The following CEBPD variants were observed in gnomAD, a reference collection of about 807,000 sequenced individuals.
CEBPD encodes CCAAT enhancer binding protein delta.
For missense variants in CEBPD, 410 were observed against 409.4 expected, an observed-to-expected ratio of 1.00 and a Z score of -0.01; for synonymous variants, 227 against 194.8, an observed-to-expected ratio of 1.17 and a Z score of -1.38.
chr8:47,737,529 G>A lies in CEBPD; in HGVS notation c.592C>T (p.Arg198Cys). ...CGCACGGCGATGTTGTTGCGCTCGC[G>A]CCGCTGCCGGTACTCGGGGCTGCCG... ...DRGSPEYRQR[R>C]ERNNIAVRKS... Residue 198 changes from arginine (R) to cysteine (C), a missense_variant, in exon 1 of 1, where the codon CGC becomes TGC. By Grantham distance (180) the Arg-to-Cys change is radical. Transcript: ENST00000408965. 1.2e-6 allele frequency: 2 copies of A among 1,602,478 alleles called. No homozygotes were observed. Among genetic ancestry groups the A allele is most frequent in the Non-Finnish European group, 8.5e-7 (1 of 1,177,018 alleles).
chr8:47,737,999 GC>G lies in CEBPD; in HGVS notation c.121del (p.Ala41ProfsTer2). On this transcript the variant is annotated frameshift_variant, in exon 1 of 1. Transcript: ENST00000408965. LOFTEE classifies it low-confidence loss of function (END_TRUNC). The part of the protein sequence containing the change: ...GKPGRGAEPG[A>X]LGEPGAAAPA... ...GGCGGCGGCGCCTGGCTCGCCTAGG[GC>G]CCCTGGCTCGGCCCCGCGGCCCGGC... 1.4e-6 allele frequency: 2 copies of G among 1,410,460 alleles called. No homozygotes were observed. Among genetic ancestry groups the G allele is most frequent in the South Asian group, 1.6e-5 (1 of 64,420 alleles). The allele number at this position is 1,410,460 out of a possible 1,614,324, so 87.4% of individuals were successfully genotyped here. A position where few individuals can be genotyped will look rare whatever the true frequency, so the allele number is the denominator to read the frequency against.
In CEBPD at chr8:47,737,827, C is replaced by T; in HGVS notation, c.294G>A (p.Leu98=). The T allele has an allele frequency of 1.4e-6, 2 of 1,435,028 alleles. No individual in the cohort carries two copies. Among genetic ancestry groups the T allele is most frequent in the Non-Finnish European group, 1.8e-6 (2 of 1,092,872 alleles). 88.9% of individuals were successfully genotyped at this position (1,435,028 alleles called of 1,614,324 possible). A position where few individuals can be genotyped will look rare whatever the true frequency, so the allele number is the denominator to read the frequency against. The change falls in exon 1 of 1, where the codon CTG becomes CTA. Residue 98 remains leucine, a synonymous_variant. Coordinates refer to ENST00000408965, the MANE Select transcript of CEBPD (RefSeq NM_005195.4). ...GCGCGGGGCCGCCGGGAAGAAGCTCCAGGGGCCCCGCGCCGCCCGCCTTGT... is the reference window on the plus strand; with the variant it reads ...GCGCGGGGCCGCCGGGAAGAAGCTCTAGGGGCCCCGCGCCGCCCGCCTTGT... The part of the protein sequence containing the change: ...SNHKAGGAGP[L]ELLPGGPARP...
In CEBPD at chr8:47,737,837, G is replaced by T; in HGVS notation, c.284C>A (p.Ala95Glu). 6.9e-7 allele frequency: 1 copy of T among 1,449,774 alleles called. No individual in the cohort carries two copies. 89.8% of individuals were successfully genotyped at this position (1,449,774 alleles called of 1,614,324 possible). A position where few individuals can be genotyped will look rare whatever the true frequency, so the allele number is the denominator to read the frequency against. The change falls in exon 1 of 1, where the codon GCG (alanine) becomes GAG (glutamate). Residue 95 changes from alanine to glutamate, a missense_variant. Physicochemically the swap from Ala to Glu is moderately radical, Grantham distance 107 (BLOSUM62 -1). Coordinates refer to ENST00000408965, the MANE Select transcript of CEBPD (RefSeq NM_005195.4). ...GCCGGGAAGAAGCTCCAGGGGCCCC[G>T]CGCCGCCCGCCTTGTGATTGCTGTT... ...LFNSNHKAGG[A>E]GPLELLPGGP...
rs756747948 is a variant in CEBPD at position 47,737,949 on chromosome 8, C to A, written c.172G>T (p.Ala58Ser). 1 of 1,497,518 alleles carries A rather than the reference C, an allele frequency of 6.7e-7. No homozygotes were observed. Among genetic ancestry groups the A allele is most frequent in the Non-Finnish European group, 8.9e-7 (1 of 1,117,800 alleles). The allele number at this position is 1,497,518 out of a possible 1,614,324, so 92.8% of individuals were successfully genotyped here. ...AAPAMYDDES[A>S]IDFSAYIDSM... ...TCGATGTAGGCGCTGAAGTCGATGG[C>A]GCTCTCGTCGTCGTACATGGCGGGG... Residue 58 changes from alanine (A) to serine (S), a missense_variant, in exon 1 of 1, where the codon GCC becomes TCC. By Grantham distance (99) the Ala-to-Ser change is moderately conservative (BLOSUM62 1). Coordinates refer to ENST00000408965, the MANE Select transcript of CEBPD (RefSeq NM_005195.4).
Position 47,737,908 on chromosome 8 carries a change from C to T in CEBPD, c.213G>A (p.Val71=). 2 of 1,508,976 alleles carry T rather than the reference C, an allele frequency of 1.3e-6. No individual in the cohort carries two copies. Among genetic ancestry groups the T allele is most frequent in the East Asian group, 2.7e-5 (1 of 36,438 alleles). 93.5% of individuals were successfully genotyped at this position (1,508,976 alleles called of 1,614,324 possible). The change falls in exon 1 of 1, where the codon GTG becomes GTA. Residue 71 remains valine, a synonymous_variant. Transcript: ENST00000408965. ...CGTCGTGGCACAGCTCCAGGGTGGG[C>T]ACGGCGGCCATGGAGTCGATGTAGG... ...FSAYIDSMAA[V]PTLELCHDEL... is the part of the protein sequence containing the mutation.
Position 47,736,991 on chromosome 8 carries a change from C to G in CEBPD, c.*320G>C, listed in dbSNP as rs969567932. 23 of 320,070 alleles carry G rather than the reference C, an allele frequency of 7.2e-5. No individual in the cohort carries two copies. Among genetic ancestry groups the G allele is most frequent in the Non-Finnish European group, 1.1e-4 (20 of 177,552 alleles). The allele number at this position is 320,070 out of a possible 1,614,324, so 19.8% of individuals were successfully genotyped here. A position where few individuals can be genotyped will look rare whatever the true frequency, so the allele number is the denominator to read the frequency against. On this transcript the variant is annotated 3_prime_UTR_variant, in exon 1 of 1. Coordinates refer to ENST00000408965, the MANE Select transcript of CEBPD (RefSeq NM_005195.4). The stretch of plus-strand genomic sequence containing the variant: ...AAGTGAGCATGCTCAGTCTTTTCCT[C>G]TTATCTACAATACAAAGGGTTTGTC...
chr8:47,737,643 A>C lies in CEBPD; in HGVS notation c.478T>G (p.Ser160Ala). Residue 160 changes from serine to alanine, a missense_variant, in exon 1 of 1, where the codon TCG (serine) becomes GCG (alanine). Physicochemically the swap from Ser to Ala is moderately conservative, Grantham distance 99. Coordinates refer to ENST00000408965, the MANE Select transcript of CEBPD (RefSeq NM_005195.4). Reference sequence around the variant, plus strand: ...GGGCTGCTGCGCGGCGGCTCCGGCGACGTGGGCGGGGTGGGCTGCCCTGCG... The same window carrying C: ...GGGCTGCTGCGCGGCGGCTCCGGCGCCGTGGGCGGGGTGGGCTGCCCTGCG... ...AAAGQPTPPT[S>A]PEPPRSSPRQ... The C allele has an allele frequency of 7.8e-7, 1 of 1,276,348 alleles. No individual in the cohort carries two copies. The highest frequency in any genetic ancestry group is 2.9e-5 in the South Asian group (1 of 34,552). 79.1% of individuals were successfully genotyped at this position (1,276,348 alleles called of 1,614,324 possible). A position where few individuals can be genotyped will look rare whatever the true frequency, so the allele number is the denominator to read the frequency against.
At position 47,737,498 on chromosome 8, in the gene CEBPD, C is replaced by T. The variant is rs747489027; in HGVS notation, c.623G>A (p.Ser208Asn). The T allele has an allele frequency of 1.9e-6, 3 of 1,608,224 alleles. No homozygotes were observed. Among genetic ancestry groups the T allele is most frequent in the South Asian group, 1.1e-5 (1 of 90,558 alleles). Residue 208 changes from serine (S) to asparagine (N), a missense_variant, in exon 1 of 1, where the codon AGC (serine) becomes AAC (asparagine). Transcript: ENST00000408965. ...GTTGCGCCGCTTGGCCTTGTCGCGG[C>T]TCTTGCGCACGGCGATGTTGTTGCG... is the stretch of plus-strand genomic sequence containing the variant. The part of the protein sequence containing the change: ...RERNNIAVRK[S>N]RDKAKRRNQE...
In CEBPD at chr8:47,737,295, C is replaced by T; in HGVS notation, c.*16G>A. 1 of 1,579,060 alleles carries T rather than the reference C, an allele frequency of 6.3e-7. No individual in the cohort carries two copies. The highest frequency in any genetic ancestry group is 8.6e-7 in the Non-Finnish European group (1 of 1,164,574). ...GGTATGGGTCGTTGCTGAGTCTCTC[C>T]CGCCCCGGCCGCGCGTTACCGGCAG... On this transcript the variant is annotated 3_prime_UTR_variant, in exon 1 of 1. Transcript: ENST00000408965.
At position 47,737,138 on chromosome 8, in the gene CEBPD, T is replaced by C. The variant is rs2086263715; in HGVS notation, c.*173A>G. 2 of 517,112 alleles carry C rather than the reference T, an allele frequency of 3.9e-6. No homozygotes were observed. Among genetic ancestry groups the C allele is most frequent in the Non-Finnish European group, 6.7e-6 (2 of 299,772 alleles). The allele number at this position is 517,112 out of a possible 1,614,324, so 32.0% of individuals were successfully genotyped here. Reference sequence around the variant, plus strand: ...GGAAAATAAACACGTTTAGCTTCTCTCGCAGTTTAGTGGTGGTAAGTCCAG... The same window carrying C: ...GGAAAATAAACACGTTTAGCTTCTCCCGCAGTTTAGTGGTGGTAAGTCCAG... On this transcript the variant is annotated 3_prime_UTR_variant, in exon 1 of 1. Coordinates refer to ENST00000408965, the MANE Select transcript of CEBPD (RefSeq NM_005195.4).
In CEBPD at chr8:47,737,429, T is replaced by C; in HGVS notation, c.692A>G (p.Glu231Gly). 5.6e-6 allele frequency: 9 copies of C among 1,607,138 alleles called. No individual in the cohort carries two copies. The highest frequency in any genetic ancestry group is 7.6e-6 in the Non-Finnish European group (9 of 1,178,416). Reference sequence around the variant, plus strand: ...CTGCTCCACGCGCTGGTGCAGCTTCTCGTTCTCAGCCGACAGCTCCACCAA... The same window carrying C: ...CTGCTCCACGCGCTGGTGCAGCTTCCCGTTCTCAGCCGACAGCTCCACCAA... ...QKLVELSAENEKLHQRVEQLT... is the reference protein window; with the variant it reads ...QKLVELSAENGKLHQRVEQLT... The change falls in exon 1 of 1, where the codon GAG (glutamate) becomes GGG (glycine). Residue 231 changes from glutamate (E) to glycine (G), a missense_variant. By Grantham distance (98) the Glu-to-Gly change is moderately conservative. Coordinates refer to ENST00000408965, the MANE Select transcript of CEBPD (RefSeq NM_005195.4).
chr8:47,737,378 C>G lies in CEBPD; in HGVS notation c.743G>C (p.Arg248Pro). 1 of 1,600,864 alleles carries G rather than the reference C, an allele frequency of 6.2e-7. No homozygotes were observed. The highest frequency in any genetic ancestry group is 8.5e-7 in the Non-Finnish European group (1 of 1,175,770). Residue 248 changes from arginine (R) to proline (P), a missense_variant, in exon 1 of 1, where the codon CGG becomes CCG. Coordinates refer to ENST00000408965, the MANE Select transcript of CEBPD (RefSeq NM_005195.4). ...EQLTRDLAGLRQFFKQLPSPP... is the reference protein window; with the variant it reads ...EQLTRDLAGLPQFFKQLPSPP... ...GCTGGGCAGCTGCTTGAAGAACTGCCGGAGGCCGGCCAGGTCCCGCGTGAG... is the reference window on the plus strand; with the variant it reads ...GCTGGGCAGCTGCTTGAAGAACTGCGGGAGGCCGGCCAGGTCCCGCGTGAG...
At position 47,738,049 on chromosome 8, in the gene CEBPD, G is replaced by T. The variant is rs1348129683; in HGVS notation, c.72C>A (p.Phe24Leu). 7 of 1,271,986 alleles carry T rather than the reference G, an allele frequency of 5.5e-6. No individual in the cohort carries two copies. The highest frequency in any genetic ancestry group is 2.5e-5 in the South Asian group (1 of 40,602). The allele number at this position is 1,271,986 out of a possible 1,614,324, so 78.8% of individuals were successfully genotyped here. A position where few individuals can be genotyped will look rare whatever the true frequency, so the allele number is the denominator to read the frequency against. Residue 24 changes from phenylalanine (F) to leucine (L), a missense_variant, in exon 1 of 1, where the codon TTC becomes TTA. Transcript: ENST00000408965. The surrounding 1 kb of genome is among the most constrained non-coding windows in gnomAD (Gnocchi z 4.1). The part of the protein sequence containing the change: ...GAPWPAEPAP[F>L]YEPGRAGKPG... ...GCTTGCCCGCCCGGCCCGGTTCGTA[G>T]AAGGGCGCAGGCTCCGCAGGCCAGG... is the stretch of plus-strand genomic sequence containing the variant.
At position 47,737,241 on chromosome 8, in the gene CEBPD, C is replaced by G; in HGVS notation, c.*70G>C. On this transcript the variant is annotated 3_prime_UTR_variant, in exon 1 of 1. Coordinates refer to ENST00000408965, the MANE Select transcript of CEBPD (RefSeq NM_005195.4). The stretch of plus-strand genomic sequence containing the variant: ...CGGCTCTGGCTGCGCCAGGGCAGGG[C>G]GCGCTCCGCTCCGGGCCGTCGGGTC... 1 of 1,398,600 alleles carries G rather than the reference C, an allele frequency of 7.2e-7. No homozygotes were observed. 86.6% of individuals were successfully genotyped at this position (1,398,600 alleles called of 1,614,324 possible). A position where few individuals can be genotyped will look rare whatever the true frequency, so the allele number is the denominator to read the frequency against.
Position 47,737,391 on chromosome 8 carries a change from G to A in CEBPD, c.730C>T (p.Leu244=). 3.7e-6 allele frequency: 6 copies of A among 1,601,726 alleles called. No homozygotes were observed. Among genetic ancestry groups the A allele is most frequent in the Admixed American group, 1.7e-5 (1 of 58,908 alleles). The change falls in exon 1 of 1, where the codon CTG becomes TTG. Residue 244 remains leucine (L), a synonymous_variant. Transcript: ENST00000408965. The stretch of plus-strand genomic sequence containing the variant: ...TTGAAGAACTGCCGGAGGCCGGCCA[G>A]GTCCCGCGTGAGCTGCTCCACGCGC... ...HQRVEQLTRD[L]AGLRQFFKQL... is the part of the protein sequence containing the mutation.
chr8:47,737,678 C>G lies in CEBPD; in HGVS notation c.443G>C (p.Ser148Thr). The G allele has an allele frequency of 1.6e-6, 2 of 1,240,098 alleles. No individual in the cohort carries two copies. Among genetic ancestry groups the G allele is most frequent in the Non-Finnish European group, 2.0e-6 (2 of 996,164 alleles). The allele number at this position is 1,240,098 out of a possible 1,614,324, so 76.8% of individuals were successfully genotyped here. ...GGTGGGCTGCCCTGCGGCCGCCAAG[C>G]TCACCACGGTCTGTGCGCACGCGGC... Reference protein sequence around the residue: ...QVAACAQTVVSLAAAGQPTPP... With the variant: ...QVAACAQTVVTLAAAGQPTPP... The change falls in exon 1 of 1, where the codon AGC becomes ACC. Residue 148 changes from serine (S) to threonine (T), a missense_variant. By Grantham distance (58) the Ser-to-Thr change is moderately conservative. Transcript: ENST00000408965.
chr8:47,737,591 G>A lies in CEBPD; in HGVS notation c.530C>T (p.Ala177Val). 2.0e-6 allele frequency: 3 copies of A among 1,477,202 alleles called. No homozygotes were observed. Among genetic ancestry groups the A allele is most frequent in the Non-Finnish European group, 2.7e-6 (3 of 1,119,428 alleles). The allele number at this position is 1,477,202 out of a possible 1,614,324, so 91.5% of individuals were successfully genotyped here. The change falls in exon 1 of 1, where the codon GCC becomes GTC. Residue 177 changes from alanine (A) to valine (V), a missense_variant. Transcript: ENST00000408965. ...CCTCTTGCCGGCGCTCTTCTCCCGGGCGGGGCCGGGCGCGGGGGTCTGCCT... is the reference window on the plus strand; with the variant it reads ...CCTCTTGCCGGCGCTCTTCTCCCGGACGGGGCCGGGCGCGGGGGTCTGCCT... The part of the protein sequence containing the change: ...SPRQTPAPGP[A>V]REKSAGKRGP...
chr8:47,737,836 C>A lies in CEBPD; in HGVS notation c.285G>T (p.Ala95=). Reference sequence around the variant, plus strand: ...CGCCGGGAAGAAGCTCCAGGGGCCCCGCGCCGCCCGCCTTGTGATTGCTGT... The same window carrying A: ...CGCCGGGAAGAAGCTCCAGGGGCCCAGCGCCGCCCGCCTTGTGATTGCTGT... ...LFNSNHKAGG[A]GPLELLPGGP... The change falls in exon 1 of 1, where the codon GCG becomes GCT. Residue 95 remains alanine (A), a synonymous_variant. Transcript: ENST00000408965. 1 of 1,457,970 alleles carries A rather than the reference C, an allele frequency of 6.9e-7. No homozygotes were observed. Among genetic ancestry groups the A allele is most frequent in the East Asian group, 2.9e-5 (1 of 34,946 alleles). 90.3% of individuals were successfully genotyped at this position (1,457,970 alleles called of 1,614,324 possible). A position where few individuals can be genotyped will look rare whatever the true frequency, so the allele number is the denominator to read the frequency against.
rs1319466510 is a variant in CEBPD at position 47,738,145 on chromosome 8, T to A, written c.-25A>T. The A allele has an allele frequency of 8.6e-7, 1 of 1,162,754 alleles. No individual in the cohort carries two copies. Among genetic ancestry groups the A allele is most frequent in the Non-Finnish European group, 1.1e-6 (1 of 943,966 alleles). 72.0% of individuals were successfully genotyped at this position (1,162,754 alleles called of 1,614,324 possible). ...TGGCGGCGTCGGGCCGGGCTCTGCGTCCAAGCGAGGCTGTCACCTCGCTGG... is the reference window on the plus strand; with the variant it reads ...TGGCGGCGTCGGGCCGGGCTCTGCGACCAAGCGAGGCTGTCACCTCGCTGG... On this transcript the variant is annotated 5_prime_UTR_variant, in exon 1 of 1. Transcript: ENST00000408965. The surrounding 1 kb of genome is among the most constrained non-coding windows in gnomAD (Gnocchi z 4.1).
Sources: gnomAD v4.1 joint callset for allele counts on GRCh38, gnomAD v4.1.1 for gene constraint, Gnocchi (gnomAD v3.1) non-coding constraint, MANE v1.5 for transcripts, NCBI Gene and HGNC (gene_info 2026-07-23, HGNC 2026-07-21) for gene names.